The following KCTD3 variants were observed in gnomAD, a reference collection of about 807,000 sequenced individuals.
KCTD3 encodes the protein BTB/POZ domain-containing protein KCTD3.
In KCTD3, 41 loss-of-function variants were observed where a neutral mutation model predicts 85.8. The observed-to-expected ratio is 0.48, with a 90% CI of 0.37 to 0.62. The LOEUF is 0.62. KCTD3 is among the 20% of genes least tolerant of loss of function. The probability of loss-of-function intolerance (pLI) is 0.00; values close to 1 mark genes in which losing one functional copy is unlikely to be tolerated. For synonymous variants in KCTD3, 338 were observed against 345.4 expected, an observed-to-expected ratio of 0.98 and a Z score of 0.24; for missense variants, 724 against 989.9, an observed-to-expected ratio of 0.73 and a Z score of 3.60.
chr1:215,603,886 A>G (rs1654919721), intron 12 of KCTD3, among the ~76,000 whole-genome samples: 1 of 152,214 alleles, frequency 6.6e-6, no homozygotes, highest in East Asian at 1.9e-4. Flanking sequence ...ATAGAACCTA[A>G]TAGTGCAAGG....
rs1655565223 is a variant in KCTD3 at position 215,619,087 on chromosome 1, A to T, written c.1747+17A>T. On this transcript the variant is annotated intron_variant, in intron 16 of 17. Coordinates refer to ENST00000259154, the MANE Select transcript of KCTD3 (RefSeq NM_016121.5). ...AAGATAAGGGTAGGTTCTCATACAG[A>T]AAGATGTTTGTCACAAGGTTAAGCT... The T allele has an allele frequency of 1.2e-6, 2 of 1,609,368 alleles. No homozygotes were observed. Among genetic ancestry groups the T allele is most frequent in the Non-Finnish European group, 1.7e-6 (2 of 1,177,012 alleles).
At chr1:215,611,077 A>G (rs112797770) in intron 14 of KCTD3, among the ~76,000 whole-genome samples, 6 of 151,996 alleles carry the variant, frequency 3.9e-5, no homozygotes, top group Non-Finnish European at 7.4e-5. Context: ...TTAAAATTTT[A>G]TGTTTAAGTT....
At chr1:215,586,464 T>G in intron 8 of KCTD3, 31 bp from the exon 9 acceptor site, 3 of 1,569,406 alleles carry the variant, frequency 1.9e-6, no homozygotes, top group Non-Finnish European at 2.6e-6. Flanking sequence ...TGCTGCTGAG[T>G]CTACCTTATG....
chr1:215,580,122 T>C (rs1485642372), intron 8 of KCTD3, 123 bp downstream of exon 8: 9 of 633,668 alleles, frequency 1.4e-5, no homozygotes, highest in Admixed American at 2.7e-5. Context: ...CTGCATATTT[T>C]ACCCATGTCT....
intron 15 of KCTD3, 82 bp from the exon 16 acceptor site, chr1:215,618,796 GCTTTCTTT>G: frequency 2.1e-6 from 2 of 959,802 alleles, no homozygotes; most frequent in Non-Finnish European, 1.6e-6. Flanking sequence ...TAACATGTTT[GCTTTCTTT>G]CTTTCTGTCT....
intron 15 of KCTD3, among the ~76,000 whole-genome samples, chr1:215,616,189 G>C (rs377002113): frequency 6.6e-6 from 1 of 152,158 alleles, no homozygotes; most frequent in South Asian, 2.1e-4. Context: ...TGAGACCCAA[G>C]TTTTCATATG....
In KCTD3 at chr1:215,582,431, A is replaced by G. The variant is rs996778117; in HGVS notation, c.626+2432A>G. On this transcript the variant is annotated intron_variant, in intron 8 of 17. Transcript: ENST00000259154. ...GTAGGAAATAACTAGACGTAACTCT[A>G]TTCTTCGCATAGCTGTCTTAACCAG... 7.9e-5 allele frequency among the ~76,000 whole-genome samples: 12 copies of G among 152,256 alleles called. 1 individual carries two copies. The highest frequency in any genetic ancestry group is 6.3e-3 in the Middle Eastern group (2 of 316).
chr1:215,568,478 G>T, intron 1 of KCTD3, among the ~76,000 whole-genome samples: 1 of 43,868 alleles, frequency 2.3e-5, no homozygotes, highest in African/African-American at 1.0e-4. Flanking sequence ...TCTCTTTCTG[G>T]CCTTCCGCCC....
intron 12 of KCTD3, among the ~76,000 whole-genome samples, chr1:215,602,655 A>G (rs1294584290): frequency 7.2e-5 from 11 of 152,178 alleles, no homozygotes; most frequent in Non-Finnish European, 1.6e-4. Context: ...CTTTCAGTGC[A>G]TTTTAGAGGC....
chr1:215,604,308 A>T lies in KCTD3; in HGVS notation c.1309+6A>T. On this transcript the variant is annotated splice_donor_region_variant and intron_variant, in intron 13 of 17. Coordinates refer to ENST00000259154, the MANE Select transcript of KCTD3 (RefSeq NM_016121.5). Reference sequence around the variant, plus strand: ...AGAGAAGCATCTTGTATCAGGTAAAATGATTTCATTATACTGGTAAGGAAC... The same window carrying T: ...AGAGAAGCATCTTGTATCAGGTAAATTGATTTCATTATACTGGTAAGGAAC... 1.9e-6 allele frequency: 3 copies of T among 1,608,960 alleles called. No homozygotes were observed. The highest frequency in any genetic ancestry group is 1.1e-5 in the South Asian group (1 of 90,894).
chr1:215,602,071 T>G lies in KCTD3; in HGVS notation c.1022-14T>G. The G allele has an allele frequency of 6.6e-7, 1 of 1,520,414 alleles. No homozygotes were observed. The highest frequency in any genetic ancestry group is 9.1e-7 in the Non-Finnish European group (1 of 1,103,558). 94.2% of individuals were successfully genotyped at this position (1,520,414 alleles called of 1,614,324 possible). A position where few individuals can be genotyped will look rare whatever the true frequency, so the allele number is the denominator to read the frequency against. The stretch of plus-strand genomic sequence containing the variant: ...CTATTTATTTTAATGCTGTTTAAAA[T>G]TTTTATGTTTTAGATATGCAGAAGT... On this transcript the variant is annotated splice_polypyrimidine_tract_variant and intron_variant, in intron 11 of 17. Transcript: ENST00000259154.
rs573578075 is a variant in KCTD3 at position 215,582,936 on chromosome 1, T to TA, written c.626+2943dup. Reference sequence around the variant, plus strand: ...AATATGTACCTTCTTTGTAATTTTTTAAAAAACAGGTAAATTCACATATCT... The same window carrying TA: ...AATATGTACCTTCTTTGTAATTTTTTAAAAAAACAGGTAAATTCACATATCT... On this transcript the variant is annotated intron_variant, in intron 8 of 17. Transcript: ENST00000259154. Among the ~76,000 whole-genome samples, 869 of 152,284 alleles carry TA rather than the reference T, an allele frequency of 5.7e-3. 2 individuals carry two copies. The highest frequency in any genetic ancestry group is 8.9e-3 in the Non-Finnish European group (606 of 68,016).
intron 15 of KCTD3, among the ~76,000 whole-genome samples, chr1:215,616,448 C>CTT (rs199617836): frequency 0.013 from 2,033 of 152,184 alleles, 57 homozygotes; most frequent in African/African-American, 0.046. Context: ...TTCTTTCAAA[C>CTT]TTTATATTGG....
intron 11 of KCTD3, 31 bp from the exon 12 acceptor site, chr1:215,602,054 T>G: frequency 7.0e-7 from 1 of 1,428,086 alleles, no homozygotes; most frequent in Non-Finnish European, 9.8e-7. Context: ...TGCTATTTAT[T>G]TTAATGCTGT....
At chr1:215,600,262 T>C (rs896857121) in intron 10 of KCTD3, among the ~76,000 whole-genome samples, 2 of 152,210 alleles carry the variant, frequency 1.3e-5, no homozygotes, top group Admixed American at 6.5e-5. Flanking sequence ...GAAATTAGGA[T>C]TATATACAGG....
At chr1:215,600,448 A>G (rs1654789191) in intron 10 of KCTD3, among the ~76,000 whole-genome samples, 1 of 152,002 alleles carries the variant, frequency 6.6e-6, no homozygotes, top group Admixed American at 6.6e-5. Context: ...ACCTTCCTTG[A>G]TCTTTGCTCT....
intron 13 of KCTD3, among the ~76,000 whole-genome samples, chr1:215,606,640 T>G (rs1655032305): frequency 6.6e-6 from 1 of 152,086 alleles, no homozygotes; most frequent in Admixed American, 6.6e-5. Context: ...AAGGAACTAC[T>G]TTGTAAAACT....
At chr1:215,580,947 T>C (rs1171520660) in intron 8 of KCTD3, 1 of 467,900 alleles carries the variant, frequency 2.1e-6, no homozygotes, top group Non-Finnish European at 4.4e-6. Context: ...TAGTAATGAT[T>C]AAGTGCAGAC....
chr1:215,584,179 A>T (rs865944462), intron 8 of KCTD3, among the ~76,000 whole-genome samples: 3 of 152,214 alleles, frequency 2.0e-5, no homozygotes, highest in Non-Finnish European at 4.4e-5. Flanking sequence ...TTGGTCCACA[A>T]GGATAAGCAG....
Sources: gnomAD v4.1 joint callset for allele counts (sites outside exome capture counted in the v4.1 genomes callset) on GRCh38, gnomAD v4.1.1 for gene constraint, MANE v1.5 for transcripts, NCBI Gene and HGNC (gene_info 2026-07-23, HGNC 2026-07-21) for gene names.